The following PTPN13 variants were observed in gnomAD, a reference collection of about 807,000 sequenced individuals.
PTPN13 encodes tyrosine-protein phosphatase non-receptor type 13.
Under a neutral mutation model 284.0 loss-of-function variants are expected in PTPN13, and 191 were observed. The observed-to-expected ratio is 0.67, with a 90% CI of 0.60 to 0.76. PTPN13 has a LOEUF of 0.76. PTPN13 is among the 30% of genes least tolerant of loss of function. The probability of loss-of-function intolerance (pLI) is 0.00; values close to 1 mark genes in which losing one functional copy is unlikely to be tolerated. For synonymous variants in PTPN13, 986 were observed against 1,022.3 expected, an observed-to-expected ratio of 0.96 and a Z score of 0.68; for missense variants, 2,797 against 2,939.9, an observed-to-expected ratio of 0.95 and a Z score of 1.12.
At chr4:86,765,772 A>G (rs1414802736) in intron 26 of PTPN13, among the ~76,000 whole-genome samples, 1 of 152,098 alleles carries the variant, frequency 6.6e-6, no homozygotes, top group African/African-American at 2.4e-5. Flanking sequence ...CATATTTTAC[A>G]TGTACTATGA....
In PTPN13 at chr4:86,769,891, C is replaced by A; in HGVS notation, c.4612C>A (p.Pro1538Thr). 6.2e-7 allele frequency: 1 copy of A among 1,613,932 alleles called. No homozygotes were observed. Among genetic ancestry groups the A allele is most frequent in the Non-Finnish European group, 8.5e-7 (1 of 1,179,874 alleles). The change falls in exon 29 of 48, where the codon CCT (proline) becomes ACT (threonine). Residue 1538 changes from proline to threonine, a missense_variant. By Grantham distance (38) the Pro-to-Thr change is conservative. Transcript: ENST00000411767. ...ASIVRVKKLF[P>T]GQPAAESGKI... ...CATAGTAAGGGTTAAAAAGCTCTTT[C>A]CTGGACAGCCAGCAGCAGAAAGTGG...
intron 1 of PTPN13, among the ~76,000 whole-genome samples, chr4:86,617,566 C>A (rs1356035067): frequency 6.6e-6 from 1 of 151,998 alleles, no homozygotes; most frequent in East Asian, 1.9e-4. Context: ...CTAATGCTAT[C>A]CCTCCCCCTT....
intron 2 of PTPN13, among the ~76,000 whole-genome samples, chr4:86,649,708 T>G (rs1724859322): frequency 6.6e-6 from 1 of 152,200 alleles, no homozygotes; most frequent in African/African-American, 2.4e-5. Context: ...CTGGCTATTC[T>G]GGGTCTTTTG....
chr4:86,798,156 A>G (rs1565606852), intron 41 of PTPN13, among the ~76,000 whole-genome samples: 1 of 152,216 alleles, frequency 6.6e-6, no homozygotes, highest in East Asian at 1.9e-4. Flanking sequence ...TAAGGACTCT[A>G]AGATGGATTC....
chr4:86,812,520 A>C (rs1057326267), intron 47 of PTPN13, among the ~76,000 whole-genome samples: 8 of 152,152 alleles, frequency 5.3e-5, no homozygotes, highest in African/African-American at 1.7e-4. Flanking sequence ...AGGTAAAGGG[A>C]ATCAGTCATG....
intron 3 of PTPN13, among the ~76,000 whole-genome samples, chr4:86,685,004 T>C (rs1262672774): frequency 1.3e-5 from 2 of 152,206 alleles, no homozygotes; most frequent in African/African-American, 4.8e-5. Context: ...TCTGCCATCT[T>C]ACTACAGATG....
chr4:86,814,640 A>C lies in PTPN13; in HGVS notation c.*89A>C. ...CTATCCAAAATAAAGATCACAGAGC[A>C]GCAAGTTCATACAACATGCATGTTC... On this transcript the variant is annotated 3_prime_UTR_variant, in exon 48 of 48. Transcript: ENST00000411767. 9.6e-7 allele frequency: 1 copy of C among 1,046,880 alleles called. No individual in the cohort carries two copies. The highest frequency in any genetic ancestry group is 1.5e-5 in the South Asian group (1 of 67,724). The allele number at this position is 1,046,880 out of a possible 1,614,324, so 64.8% of individuals were successfully genotyped here. A position where few individuals can be genotyped will look rare whatever the true frequency, so the allele number is the denominator to read the frequency against.
At chr4:86,770,622 ACT>A (rs1356757907) in intron 30 of PTPN13, among the ~76,000 whole-genome samples, 22 of 152,100 alleles carry the variant, frequency 1.4e-4, no homozygotes, top group African/African-American at 5.1e-4. Flanking sequence ...AGTGAATGAA[ACT>A]CTCTTGATGA....
chr4:86,807,542 G>A lies in PTPN13; in HGVS notation c.6746-18G>A. The A allele has an allele frequency of 1.3e-6, 2 of 1,574,822 alleles. No individual in the cohort carries two copies. Among genetic ancestry groups the A allele is most frequent in the Non-Finnish European group, 1.7e-6 (2 of 1,154,866 alleles). ...TGCATGATATGGATGGCTCTGTTTT[G>A]TGGTGGAAAATTCACAGATGATGCT... On this transcript the variant is annotated intron_variant, in intron 44 of 47. Coordinates refer to ENST00000411767, the MANE Select transcript of PTPN13 (RefSeq NM_080683.3).
intron 2 of PTPN13, among the ~76,000 whole-genome samples, chr4:86,642,807 T>C (rs1329909154): frequency 6.6e-6 from 1 of 152,106 alleles, no homozygotes; most frequent in Non-Finnish European, 1.5e-5. Flanking sequence ...GAAAAACATA[T>C]ATACATTTAA....
intron 15 of PTPN13, among the ~76,000 whole-genome samples, chr4:86,736,891 CACTTTA>C (rs1362069935): frequency 2.6e-5 from 4 of 152,166 alleles, no homozygotes; most frequent in Non-Finnish European, 5.9e-5. Context: ...TACTTCATTT[CACTTTA>C]ACTTTAGCAT....
intron 20 of PTPN13, among the ~76,000 whole-genome samples, chr4:86,755,359 TA>T (rs3035340): frequency 0.018 from 2,570 of 146,538 alleles, 64 homozygotes; most frequent in African/African-American, 0.061. Flanking sequence ...TTGCTCAACT[TA>T]AAAAAAAAAA....
At position 86,807,686 on chromosome 4, in the gene PTPN13, G is replaced by A. The variant is rs201319004; in HGVS notation, c.6872G>A (p.Gly2291Glu). 1.7e-4 allele frequency: 276 copies of A among 1,613,882 alleles called. No individual in the cohort carries two copies. The highest frequency in any genetic ancestry group is 2.2e-4 in the Non-Finnish European group (256 of 1,179,894). The change falls in exon 45 of 48, where the codon GGA (glycine) becomes GAA (glutamate). Residue 2291 changes from glycine (G) to glutamate (E), a missense_variant. Physicochemically the swap from Gly to Glu is moderately conservative, Grantham distance 98. Transcript: ENST00000411767. ...ACQGPLPTTVGDFWQMIWEQK... is the reference protein window; with the variant it reads ...ACQGPLPTTVEDFWQMIWEQK... Reference sequence around the variant, plus strand: ...CAAGGACCACTGCCTACAACTGTTGGAGACTTCTGGCAGATGATTTGGGAG... The same window carrying A: ...CAAGGACCACTGCCTACAACTGTTGAAGACTTCTGGCAGATGATTTGGGAG...
intron 1 of PTPN13, among the ~76,000 whole-genome samples, chr4:86,606,790 G>T (rs980273746): frequency 6.6e-6 from 1 of 151,792 alleles, no homozygotes; most frequent in African/African-American, 2.4e-5. Flanking sequence ...AAGTCACCTA[G>T]TTGCTTGTTA....
rs897353815 is a variant in PTPN13, at chr4:86,778,771, G to A, written c.5892-1631G>A. On this transcript the variant is annotated intron_variant, in intron 35 of 47. Transcript: ENST00000411767. The stretch of plus-strand genomic sequence containing the variant: ...AGAAATTTACCAAGGTTGTTGGCCC[G>A]GGGCGTTAAATTTACAGATTTTTTT... Among the ~76,000 whole-genome samples the A allele has an allele frequency of 3.9e-5, 6 of 152,046 alleles. No homozygotes were observed. The South Asian group carries it at 6.2e-4, about 16-fold the overall frequency.
chr4:86,649,286 G>A (rs1724809986), intron 2 of PTPN13, among the ~76,000 whole-genome samples: 2 of 152,058 alleles, frequency 1.3e-5, no homozygotes, highest in African/African-American at 4.8e-5. Flanking sequence ...GAGATCTTAT[G>A]CAAGAAATCT....
At chr4:86,741,126 A>T (rs554669439) in intron 15 of PTPN13, among the ~76,000 whole-genome samples, 68 of 152,178 alleles carry the variant, frequency 4.5e-4, no homozygotes, top group African/African-American at 1.4e-3. Context: ...GAGCCCTCCA[A>T]ACTGTTTCAG....
At position 86,701,598 on chromosome 4, in the gene PTPN13, T is replaced by C. The variant is rs1389545979; in HGVS notation, c.992T>C (p.Val331Ala). 1 of 1,613,784 alleles carries C rather than the reference T, an allele frequency of 6.2e-7. No individual in the cohort carries two copies. Among genetic ancestry groups the C allele is most frequent in the African/African-American group, 1.3e-5 (1 of 74,898 alleles). ...YRRCHPEAVT[V>A]RTSTTPRKKE... The stretch of plus-strand genomic sequence containing the variant: ...CGTTGTCACCCTGAGGCAGTAACAG[T>C]GCGGACTTCAACTACTCCTAGAAAA... Residue 331 changes from valine (V) to alanine (A), a missense_variant, in exon 7 of 48, where the codon GTG becomes GCG. Physicochemically the swap from Val to Ala is moderately conservative, Grantham distance 64. Coordinates refer to ENST00000411767, the MANE Select transcript of PTPN13 (RefSeq NM_080683.3).
chr4:86,614,584 A>G (rs1720328352), intron 1 of PTPN13, among the ~76,000 whole-genome samples: 1 of 152,168 alleles, frequency 6.6e-6, no homozygotes. Context: ...ATTATCAGGT[A>G]AATGTAAATG....
Sources: allele counts gnomAD v4.1 joint callset (sites outside exome capture counted in the v4.1 genomes callset), GRCh38; gene constraint gnomAD v4.1.1; transcripts MANE v1.5; gene names NCBI Gene and HGNC (gene_info 2026-07-23, HGNC 2026-07-21).